The following ATP8A2 variants were observed in gnomAD, a reference collection of about 807,000 sequenced individuals.
The protein encoded by ATP8A2 is phospholipid-transporting ATPase IB.
A neutral mutation model predicts 165.6 loss-of-function variants in ATP8A2; 100 were observed. The ratio of observed to expected loss-of-function variants is 0.60; its 90% CI spans 0.51 to 0.71. The LOEUF (loss-of-function observed/expected upper bound fraction) is 0.71. Among genes scored for constraint, ATP8A2 ranks in the 30% least tolerant of loss-of-function variants. ATP8A2 has a pLI of 0.00. For synonymous variants in ATP8A2, 543 were observed against 548.8 expected (o/e 0.99, Z 0.15); for missense variants, 1,227 against 1,479.5 (o/e 0.83, Z 2.80).
At chr13:25,389,922 G>A (rs2033184613) in intron 1 of ATP8A2, among the ~76,000 whole-genome samples, 1 of 152,234 alleles carries the variant, frequency 6.6e-6, no homozygotes, top group Admixed American at 6.5e-5. Context: ...AACACTTGAA[G>A]CAAAGAGTGG....
At chr13:25,493,030 ATT>A in intron 2 of ATP8A2, among the ~76,000 whole-genome samples, 3 of 152,254 alleles carry the variant, frequency 2.0e-5, no homozygotes, top group Non-Finnish European at 4.4e-5. Flanking sequence ...TTTTAATTAC[ATT>A]TTTTGAATCT....
At chr13:25,645,746 A>G (rs565136324) in intron 24 of ATP8A2, among the ~76,000 whole-genome samples, 1 of 152,150 alleles carries the variant, frequency 6.6e-6, no homozygotes, top group South Asian at 2.1e-4. Context: ...CTGTTACTGA[A>G]TTCTAGTTTC....
intron 9 of ATP8A2, 38 bp downstream of exon 9, chr13:25,542,084 G>A (rs777096411): frequency 1.0e-5 from 16 of 1,588,370 alleles, no homozygotes; most frequent in African/African-American, 1.3e-5. Flanking sequence ...TTTAAACTAT[G>A]TGACTAAGAA....
At chr13:25,831,196 T>C (rs1162415249) in intron 28 of ATP8A2, among the ~76,000 whole-genome samples, 1 of 150,634 alleles carries the variant, frequency 6.6e-6, no homozygotes, top group South Asian at 2.1e-4. Context: ...TAGCAAGTCG[T>C]TGTTCCTCAA....
At chr13:25,403,100 C>T (rs556590093) in intron 1 of ATP8A2, among the ~76,000 whole-genome samples, 3 of 152,312 alleles carry the variant, frequency 2.0e-5, no homozygotes, top group African/African-American at 7.2e-5. Context: ...AATACTGCTG[C>T]ATTGGGGATT....
chr13:25,828,486 T>C (rs1566179751), intron 28 of ATP8A2, among the ~76,000 whole-genome samples: 1 of 152,236 alleles, frequency 6.6e-6, no homozygotes, highest in African/African-American at 2.4e-5. Context: ...TGCAACACTT[T>C]CGTGTTTTTA....
At chr13:25,416,809 C>T (rs1174607283) in intron 1 of ATP8A2, among the ~76,000 whole-genome samples, 2 of 152,146 alleles carry the variant, frequency 1.3e-5, no homozygotes, top group African/African-American at 2.4e-5. Flanking sequence ...TGAATGGTAT[C>T]GTTCAGCTTT....
At chr13:25,563,206 T>C (rs1021499772) in intron 15 of ATP8A2, among the ~76,000 whole-genome samples, 3 of 152,142 alleles carry the variant, frequency 2.0e-5, no homozygotes, top group Non-Finnish European at 2.9e-5. Context: ...GGTCAGGAGT[T>C]TGAGACCAGC....
rs558210844 is a variant in ATP8A2, at chr13:25,755,868, C to T, written c.2385-13178C>T. Reference sequence around the variant, plus strand: ...GTTGCAGGCAGCCAAGATCACACCACTGCACTCCAACCCCAGATGACAGTG... The same window carrying T: ...GTTGCAGGCAGCCAAGATCACACCATTGCACTCCAACCCCAGATGACAGTG... On this transcript the variant is annotated intron_variant, in intron 25 of 36. Coordinates refer to ENST00000381655, the MANE Select transcript of ATP8A2 (RefSeq NM_016529.6). Among the ~76,000 whole-genome samples, 278 of 152,236 alleles carry T rather than the reference C, an allele frequency of 1.8e-3. 1 individual carries two copies. The highest frequency in any genetic ancestry group is 6.3e-3 in the African/African-American group (260 of 41,528).
chr13:25,781,102 A>T (rs2044866539), intron 27 of ATP8A2, among the ~76,000 whole-genome samples: 1 of 152,144 alleles, frequency 6.6e-6, no homozygotes, highest in Non-Finnish European at 1.5e-5. Flanking sequence ...TCTACTAAAA[A>T]AACACAAAAA....
chr13:25,921,112 CTG>C (rs1954440390), intron 33 of ATP8A2, among the ~76,000 whole-genome samples: 1 of 152,090 alleles, frequency 6.6e-6, no homozygotes, highest in Non-Finnish European at 1.5e-5. Flanking sequence ...AGGGCAGAAA[CTG>C]TATCTTCCTT....
chr13:25,766,041 G>A (rs931099398), intron 25 of ATP8A2, among the ~76,000 whole-genome samples: 1 of 152,188 alleles, frequency 6.6e-6, no homozygotes, highest in Non-Finnish European at 1.5e-5. Context: ...AGGAGGAGTC[G>A]CAGCCTCAGG....
At chr13:25,888,717 A>G (rs979416554) in intron 33 of ATP8A2, among the ~76,000 whole-genome samples, 3 of 152,170 alleles carry the variant, frequency 2.0e-5, no homozygotes, top group African/African-American at 7.2e-5. Context: ...AAATTAGCCA[A>G]GCATGGTGGC....
Position 25,399,555 on chromosome 13 carries a change from C to A in ATP8A2, c.76+27267C>A, listed in dbSNP as rs1284004560. Among the ~76,000 whole-genome samples, 3 of 35,590 alleles carry A rather than the reference C, an allele frequency of 8.4e-5. 1 individual carries two copies. Among genetic ancestry groups the A allele is most frequent in the African/African-American group, 1.2e-4 (2 of 16,220 alleles). 23.3% of individuals were successfully genotyped at this position (35,590 alleles called of 152,430 possible). On this transcript the variant is annotated intron_variant, in intron 1 of 36. Coordinates refer to ENST00000381655, the MANE Select transcript of ATP8A2 (RefSeq NM_016529.6). ...CTGGGACTACAGGAGCCCGCCACCA[C>A]GCCCGGCTAATTTTTTTTTTGTATT...
At chr13:25,384,566 C>T (rs2032971973) in intron 1 of ATP8A2, among the ~76,000 whole-genome samples, 1 of 152,148 alleles carries the variant, frequency 6.6e-6, no homozygotes, top group African/African-American at 2.4e-5. Context: ...CGCTCTTCAG[C>T]TTTGTTTTGC....
intron 24 of ATP8A2, among the ~76,000 whole-genome samples, chr13:25,664,080 G>A (rs2137708274): frequency 6.6e-6 from 1 of 151,964 alleles, no homozygotes; most frequent in South Asian, 2.1e-4. Context: ...GTGGTGGCAG[G>A]CGCCTGTAAT....
At chr13:25,929,211 G>A (rs74950889) in intron 33 of ATP8A2, among the ~76,000 whole-genome samples, 18,485 of 152,060 alleles carry the variant, frequency 0.12, 1,393 homozygotes, top group African/African-American at 0.21. Flanking sequence ...AGAGTGGGCT[G>A]GAGAGCACCA....
At chr13:25,692,156 G>A (rs952455189) in intron 24 of ATP8A2, among the ~76,000 whole-genome samples, 3 of 152,162 alleles carry the variant, frequency 2.0e-5, no homozygotes, top group Non-Finnish European at 4.4e-5. Flanking sequence ...TCACGGAGGG[G>A]AAGAAAAAGC....
intron 1 of ATP8A2, among the ~76,000 whole-genome samples, chr13:25,461,493 G>A (rs2035501171): frequency 6.6e-6 from 1 of 152,154 alleles, no homozygotes; most frequent in Non-Finnish European, 1.5e-5. Flanking sequence ...GTATATGCAT[G>A]CACACGTGCC....
Sources: allele counts gnomAD v4.1 joint callset (sites outside exome capture counted in the v4.1 genomes callset), GRCh38; gene constraint gnomAD v4.1.1; transcripts MANE v1.5; gene names NCBI Gene and HGNC (gene_info 2026-07-23, HGNC 2026-07-21).